The following CSMD1 variants were observed in gnomAD, a reference collection of about 807,000 sequenced individuals.
The protein encoded by CSMD1 is CUB and Sushi multiple domains 1, also known as CUB and sushi domain-containing protein 1.
In CSMD1, 213 loss-of-function variants were observed where a neutral mutation model predicts 417.5. That is an observed-to-expected ratio of 0.51 (90% CI 0.46 to 0.57). The LOEUF is 0.57. Among genes scored for constraint, CSMD1 ranks in the 20% least tolerant of loss-of-function variants. The pLI is 0.00. For missense variants in CSMD1, 6,923 were observed against 4,529.7 expected (o/e 1.53, Z -15.17); for synonymous variants, 2,862 against 1,736.8 (o/e 1.65, Z -16.11).
In CSMD1 at chr8:4,643,440, G is replaced by C. The variant is rs1036205546; in HGVS notation, c.86-5882C>G. On this transcript the variant is annotated intron_variant, in intron 1 of 69. Coordinates refer to ENST00000635120, the MANE Select transcript of CSMD1 (RefSeq NM_033225.6). ...TGTAGTCAATTTCTATTGTATACCT[G>C]TTGGCTTTTCTGGAACACTAAACAT... Among the ~76,000 whole-genome samples, 8 of 152,224 alleles carry C rather than the reference G, an allele frequency of 5.3e-5. No individual in the cohort carries two copies. In the South Asian group the frequency reaches 6.2e-4, roughly 12 times the overall value.
At chr8:4,086,299 G>A (rs968163145) in intron 3 of CSMD1, among the ~76,000 whole-genome samples, 7 of 152,106 alleles carry the variant, frequency 4.6e-5, no homozygotes, top group Non-Finnish European at 8.8e-5. Flanking sequence ...CACAAAAACA[G>A]TCATCAGACA....
intron 26 of CSMD1, among the ~76,000 whole-genome samples, chr8:3,267,272 C>A (rs1029483451): frequency 3.3e-5 from 5 of 152,194 alleles, no homozygotes; most frequent in African/African-American, 1.2e-4. Context: ...AAGGGAAACC[C>A]CCTGATAGCT....
chr8:3,997,673 A>C (rs1815321279), intron 5 of CSMD1, among the ~76,000 whole-genome samples: 1 of 152,226 alleles, frequency 6.6e-6, no homozygotes. Flanking sequence ...TACAAGTTCA[A>C]GCACACAGAT....
chr8:3,164,553 A>T (rs951831351), intron 37 of CSMD1, among the ~76,000 whole-genome samples: 1 of 152,148 alleles, frequency 6.6e-6, no homozygotes, highest in African/African-American at 2.4e-5. Context: ...TTTCTTTCCT[A>T]CCACATATTA....
At chr8:4,604,778 T>C (rs1484937845) in intron 2 of CSMD1, among the ~76,000 whole-genome samples, 1 of 152,212 alleles carries the variant, frequency 6.6e-6, no homozygotes, top group African/African-American at 2.4e-5. Context: ...AATTTGAATA[T>C]AGATCTACTT....
intron 3 of CSMD1, among the ~76,000 whole-genome samples, chr8:4,098,559 T>C (rs961694493): frequency 2.0e-5 from 3 of 152,060 alleles, no homozygotes; most frequent in African/African-American, 4.8e-5. Flanking sequence ...ATTCAGTCAG[T>C]GGATTCGGCC....
intron 1 of CSMD1, among the ~76,000 whole-genome samples, chr8:4,945,917 G>C (rs985574943): frequency 6.6e-6 from 1 of 152,102 alleles, no homozygotes; most frequent in South Asian, 2.1e-4. Flanking sequence ...GAAGAAAACA[G>C]AATGTTATCA....
At chr8:4,312,778 G>C (rs1047224735) in intron 3 of CSMD1, among the ~76,000 whole-genome samples, 5 of 152,096 alleles carry the variant, frequency 3.3e-5, no homozygotes, top group African/African-American at 1.2e-4. Context: ...GGAGGCTGAA[G>C]CAGGATAATT....
At chr8:4,082,685 A>T (rs530729596) in intron 3 of CSMD1, among the ~76,000 whole-genome samples, 1 of 151,786 alleles carries the variant, frequency 6.6e-6, no homozygotes, top group Non-Finnish European at 1.5e-5. Flanking sequence ...ACATATGCAT[A>T]CATGTGCCAT....
At chr8:3,725,795 A>G (rs939575986) in intron 6 of CSMD1, among the ~76,000 whole-genome samples, 1 of 152,160 alleles carries the variant, frequency 6.6e-6, no homozygotes, top group African/African-American at 2.4e-5. Flanking sequence ...CCATTGATCT[A>G]GGAATCTTTC....
At chr8:4,322,500 G>A (rs1361156728) in intron 3 of CSMD1, among the ~76,000 whole-genome samples, 1 of 152,136 alleles carries the variant, frequency 6.6e-6, no homozygotes, top group Non-Finnish European at 1.5e-5. Context: ...GTATGCAGTT[G>A]TGGGTTCAGG....
At chr8:3,837,400 AC>A (rs1802781744) in intron 5 of CSMD1, among the ~76,000 whole-genome samples, 1 of 152,150 alleles carries the variant, frequency 6.6e-6, no homozygotes, top group African/African-American at 2.4e-5. Flanking sequence ...AGTAGCATGC[AC>A]TTTGATCTCA....
chr8:3,660,548 C>A lies in CSMD1; in HGVS notation c.1010-43751G>T, dbSNP rs1169601948. Among the ~76,000 whole-genome samples the A allele has an allele frequency of 5.9e-4, 50 of 84,674 alleles. 20 individuals carry two copies. The highest frequency in any genetic ancestry group is 1.6e-3 in the African/African-American group (33 of 20,768). 55.5% of individuals were successfully genotyped at this position (84,674 alleles called of 152,430 possible). A position where few individuals can be genotyped will look rare whatever the true frequency, so the allele number is the denominator to read the frequency against. On this transcript the variant is annotated intron_variant, in intron 7 of 69. Transcript: ENST00000635120. The stretch of plus-strand genomic sequence containing the variant: ...TTTTTTTTTTTTTTTTGAAAAAAAA[C>A]AAGGCCCTGCAGTCCAGGCAAGAGT...
intron 2 of CSMD1, among the ~76,000 whole-genome samples, chr8:4,434,089 G>C (rs1232229974): frequency 1.3e-5 from 2 of 152,166 alleles, no homozygotes; most frequent in African/African-American, 4.8e-5. Context: ...TGTGATCCCA[G>C]CACTTTGGGA....
intron 2 of CSMD1, among the ~76,000 whole-genome samples, chr8:4,430,049 T>C (rs1182971009): frequency 6.6e-6 from 1 of 152,186 alleles, no homozygotes; most frequent in South Asian, 2.1e-4. Flanking sequence ...GTTTTCAGAA[T>C]CAACCAGGAA....
intron 1 of CSMD1, among the ~76,000 whole-genome samples, chr8:4,645,037 T>C (rs115380699): frequency 0.012 from 1,864 of 152,246 alleles, 33 homozygotes; most frequent in African/African-American, 0.041. Context: ...ACTTAAAACA[T>C]TAGGATGCAG....
chr8:3,443,834 C>A lies in CSMD1; in HGVS notation c.1561+24878G>T, dbSNP rs915503456. 8.9e-4 allele frequency among the ~76,000 whole-genome samples: 135 copies of A among 152,306 alleles called. 1 individual carries two copies. The highest frequency in any genetic ancestry group is 3.4e-3 in the Middle Eastern group (1 of 294). On this transcript the variant is annotated intron_variant, in intron 12 of 69. Coordinates refer to ENST00000635120, the MANE Select transcript of CSMD1 (RefSeq NM_033225.6). ...AAACCATTTTAGATTGTTTTCAGCA[C>A]TACTGATGCATATGGAAATGTTGGT...
At position 3,903,461 on chromosome 8, in the gene CSMD1, T is replaced by C. The variant is rs183010738; in HGVS notation, c.818+94442A>G. ...ATACACATTATGTAAAATATTACTC[T>C]CAAGAAAGTCTAAAGTGGTATTATC... On this transcript the variant is annotated intron_variant, in intron 5 of 69. Transcript: ENST00000635120. Among the ~76,000 whole-genome samples, 352 of 152,310 alleles carry C rather than the reference T, an allele frequency of 2.3e-3. 1 individual carries two copies. Among genetic ancestry groups the C allele is most frequent in the African/African-American group, 8.0e-3 (332 of 41,578 alleles).
At chr8:3,493,293 C>CA (rs752935476) in intron 11 of CSMD1, among the ~76,000 whole-genome samples, 131 of 90,474 alleles carry the variant, frequency 1.4e-3, no homozygotes, top group African/African-American at 3.5e-3. Flanking sequence ...GAACCTGTCT[C>CA]AAAAAAAAAA....
Sources: allele counts gnomAD v4.1 joint callset (sites outside exome capture counted in the v4.1 genomes callset), GRCh38; gene constraint gnomAD v4.1.1; transcripts MANE v1.5; gene names NCBI Gene and HGNC (gene_info 2026-07-23, HGNC 2026-07-21).